COL12A1: variants seen among roughly 807,000 people sequenced by gnomAD.
COL12A1 encodes collagen type XII alpha 1 chain.
COL12A1 carries 114 observed loss-of-function variants against 349.7 expected under a neutral mutation model. The ratio of observed to expected loss-of-function variants is 0.33; its 90% CI spans 0.28 to 0.38. The LOEUF is 0.38. Among genes scored for constraint, COL12A1 ranks in the 10% least tolerant of loss-of-function variants. The pLI is 1.00. For synonymous variants in COL12A1, 1,369 were observed against 1,329.0 expected, an observed-to-expected ratio of 1.03 and a Z score of -0.66; for missense variants, 3,284 against 3,756.9, an observed-to-expected ratio of 0.87 and a Z score of 3.29.
chr6:75,164,953 A>T (rs937314759), intron 14 of COL12A1, among the ~76,000 whole-genome samples: 5 of 152,104 alleles, frequency 3.3e-5, no homozygotes, highest in Admixed American at 6.5e-5. Flanking sequence ...AAAAATAAAT[A>T]AAAAATTAAA....
intron 62 of COL12A1, 133 bp downstream of exon 62, chr6:75,091,190 T>G (rs924650208): frequency 8.8e-6 from 6 of 685,040 alleles, no homozygotes; most frequent in South Asian, 3.9e-5. Context: ...AAACTGACAA[T>G]GTATAAGAAC....
chr6:75,132,859 C>A (rs1400260259), intron 34 of COL12A1, among the ~76,000 whole-genome samples: 1 of 152,270 alleles, frequency 6.6e-6, no homozygotes, highest in African/African-American at 2.4e-5. Context: ...TAAATGAAAG[C>A]ATACAGATTT....
At chr6:75,112,422 C>G (rs992496445) in intron 51 of COL12A1, among the ~76,000 whole-genome samples, 3 of 151,514 alleles carry the variant, frequency 2.0e-5, no homozygotes, top group African/African-American at 4.8e-5. Flanking sequence ...TAACCTAGAT[C>G]GTTCTTTTTA....
In COL12A1 at chr6:75,117,562, T is replaced by C. The variant is rs1345445430; in HGVS notation, c.7355-16A>G. ...ACACTGAACCCTGCAAAGTAGCATT[T>C]ATAGAATGAATCACGTATCTCTTTT... On this transcript the variant is annotated splice_polypyrimidine_tract_variant and intron_variant, in intron 46 of 65. Coordinates refer to ENST00000322507, the MANE Select transcript of COL12A1 (RefSeq NM_004370.6). 2 of 1,605,476 alleles carry C rather than the reference T, an allele frequency of 1.2e-6. No individual in the cohort carries two copies. The highest frequency in any genetic ancestry group is 2.7e-5 in the African/African-American group (2 of 74,828).
intron 25 of COL12A1, among the ~76,000 whole-genome samples, chr6:75,143,817 A>AGAG (rs1767039466): frequency 6.6e-6 from 1 of 152,238 alleles, no homozygotes; most frequent in African/African-American, 2.4e-5. Flanking sequence ...TACAGAGTGA[A>AGAG]GAATGAAGAT....
chr6:75,145,611 C>CT (rs56698330), intron 24 of COL12A1, among the ~76,000 whole-genome samples, 156 bp from the exon 25 acceptor site: 2,410 of 121,098 alleles, frequency 0.02, 57 homozygotes, highest in East Asian at 0.14. Context: ...CTGATGTTTT[C>CT]TTTTTTTTTT....
chr6:75,196,818 G>A (rs556112800), intron 2 of COL12A1, among the ~76,000 whole-genome samples: 19 of 152,320 alleles, frequency 1.2e-4, no homozygotes, highest in Admixed American at 2.0e-4. Context: ...ACCTTGGAAG[G>A]AAAATGACCT....
intron 23 of COL12A1, 84 bp from the exon 24 acceptor site, chr6:75,146,328 T>C (rs976549071): frequency 7.2e-7 from 1 of 1,382,994 alleles, no homozygotes. Context: ...CAATTATTGA[T>C]ATTTGTATAT....
intron 39 of COL12A1, among the ~76,000 whole-genome samples, chr6:75,125,828 A>G (rs1413603818): frequency 6.6e-6 from 1 of 152,118 alleles, no homozygotes; most frequent in Non-Finnish European, 1.5e-5. Context: ...AAGATGCCCT[A>G]AGAAATCTGC....
chr6:75,098,446 G>T (rs1030339169), intron 58 of COL12A1, among the ~76,000 whole-genome samples: 1 of 152,172 alleles, frequency 6.6e-6, no homozygotes, highest in African/African-American at 2.4e-5. Flanking sequence ...TTAAGCCCAG[G>T]AGTTCAAGAC....
At position 75,090,161 on chromosome 6, in the gene COL12A1, G is replaced by A. The variant is rs760317754; in HGVS notation, c.8890C>T (p.Arg2964Trp). ...CCTGGTGTGCCCGGGAAGCCTGGCCGCCCCCCAGGCCCAGGTTCTCCTCTG... is the reference window on the plus strand; with the variant it reads ...CCTGGTGTGCCCGGGAAGCCTGGCCACCCCCCAGGCCCAGGTTCTCCTCTG... Reference protein sequence around the residue: ...GARGEPGPGGRPGFPGTPGMQ... With the variant: ...GARGEPGPGGWPGFPGTPGMQ... Residue 2964 changes from arginine (R) to tryptophan (W), a missense_variant, in exon 63 of 66, where the codon CGG becomes TGG. Transcript: ENST00000322507. This position sits in a 1 kb window ranked among gnomAD's most constrained non-coding sequence, Gnocchi z 4.1. The A allele has an allele frequency of 3.7e-6, 6 of 1,613,876 alleles. No homozygotes were observed. The highest frequency in any genetic ancestry group is 1.7e-5 in the Admixed American group (1 of 60,014).
At chr6:75,197,535 G>T (rs1770295529) in intron 2 of COL12A1, among the ~76,000 whole-genome samples, 2 of 152,048 alleles carry the variant, frequency 1.3e-5, no homozygotes, top group Middle Eastern at 3.4e-3. Flanking sequence ...TGCTCTTGAA[G>T]TCCTGACCTC....
Position 75,173,381 on chromosome 6 carries a change from AT to A in COL12A1, c.2710+1656del, listed in dbSNP as rs947182695. On this transcript the variant is annotated intron_variant, in intron 13 of 65. Transcript: ENST00000322507. ...TTAACTCTTGATCACTATTATTATTATTTTTTTTTTTTGAGATGGAGTTTCA... is the reference window on the plus strand; with the variant it reads ...TTAACTCTTGATCACTATTATTATTATTTTTTTTTTTGAGATGGAGTTTCA... Among the ~76,000 whole-genome samples the A allele has an allele frequency of 2.9e-3, 419 of 146,072 alleles. 3 individuals carry two copies. The highest frequency in any genetic ancestry group is 4.2e-3 in the Admixed American group (61 of 14,616).
rs1174028277 is a variant in COL12A1 at position 75,130,076 on chromosome 6, G to A, written c.6210+15C>T. The A allele has an allele frequency of 6.2e-7, 1 of 1,610,186 alleles. No individual in the cohort carries two copies. The highest frequency in any genetic ancestry group is 8.5e-7 in the Non-Finnish European group (1 of 1,178,660). ...AAGATGATAAAATGTGCCAATAAAT[G>A]AGTATCAGACTTACATATTCATCAA... is the stretch of plus-strand genomic sequence containing the variant. On this transcript the variant is annotated intron_variant, in intron 37 of 65. Transcript: ENST00000322507.
At position 75,131,994 on chromosome 6, in the gene COL12A1, C is replaced by G. The variant is rs368930149; in HGVS notation, c.5883G>C (p.Val1961=). Residue 1961 remains valine, a synonymous_variant, in exon 35 of 66, where the codon GTG becomes GTC. Coordinates refer to ENST00000322507, the MANE Select transcript of COL12A1 (RefSeq NM_004370.6). ...GAGAATACACAACGCGATATTGCAG[C>G]ACAGGTCCTGGAGCAGGGTCCCAGC... is the stretch of plus-strand genomic sequence containing the variant. ...DVRWDPAPGP[V]LQYRVVYSPV... The G allele has an allele frequency of 2.7e-5, 44 of 1,614,026 alleles. No individual in the cohort carries two copies. In the African/African-American group the frequency reaches 5.1e-4, roughly 19 times the overall value.
rs751642987 is a variant in COL12A1, at chr6:75,086,509, T to C, written c.*38A>G. On this transcript the variant is annotated 3_prime_UTR_variant, in exon 66 of 66. Coordinates refer to ENST00000322507, the MANE Select transcript of COL12A1 (RefSeq NM_004370.6). ...ATCTCAGAAACAGGATTTTCATGTA[T>C]TCAAACTGTAAGCAGCACTGGCGAC... 1.3e-6 allele frequency: 2 copies of C among 1,598,198 alleles called. No homozygotes were observed. The highest frequency in any genetic ancestry group is 1.7e-6 in the Non-Finnish European group (2 of 1,169,264).
chr6:75,201,975 G>A (rs917303768), intron 2 of COL12A1, among the ~76,000 whole-genome samples: 1 of 152,240 alleles, frequency 6.6e-6, no homozygotes, highest in Admixed American at 6.5e-5. Flanking sequence ...GGACACTGGA[G>A]GTGGTGCCCA....
chr6:75,086,660 A>C (rs984104483), intron 65 of COL12A1, 103 bp from the exon 66 acceptor site: 12 of 358,506 alleles, frequency 3.3e-5, no homozygotes, highest in Non-Finnish European at 5.5e-5. Flanking sequence ...ATATATATAT[A>C]TATATATATA....
chr6:75,108,679 T>C (rs1431843071), intron 52 of COL12A1, among the ~76,000 whole-genome samples: 1 of 152,206 alleles, frequency 6.6e-6, no homozygotes, highest in Admixed American at 6.5e-5. Flanking sequence ...CAATTATTGC[T>C]GAAGAACAAA....
Sources: allele counts gnomAD v4.1 joint callset (sites outside exome capture counted in the v4.1 genomes callset), GRCh38; gene constraint gnomAD v4.1.1; non-coding constraint Gnocchi (gnomAD v3.1); transcripts MANE v1.5; gene names NCBI Gene and HGNC (gene_info 2026-07-23, HGNC 2026-07-21).